FNDC3A: variants seen among roughly 807,000 people sequenced by gnomAD.
FNDC3A encodes fibronectin type III domain containing 3A, also known as fibronectin type-III domain-containing protein 3A.
Under a neutral mutation model 148.9 loss-of-function variants are expected in FNDC3A, and 32 were observed. That is an observed-to-expected ratio of 0.21 (90% CI 0.16 to 0.29). The LOEUF (loss-of-function observed/expected upper bound fraction) is 0.29. Ranked by LOEUF, FNDC3A falls within the 10% of genes least tolerant of loss-of-function variation. The pLI is 1.00. For missense variants in FNDC3A, 1,191 were observed against 1,452.8 expected (o/e 0.82, Z 2.93); for synonymous variants, 472 against 473.6 (o/e 1.00, Z 0.04).
chr13:49,122,457 C>G (rs1227101349), intron 4 of FNDC3A, among the ~76,000 whole-genome samples: 1 of 152,210 alleles, frequency 6.6e-6, no homozygotes, highest in Admixed American at 6.5e-5. Context: ...GATGCCCTCT[C>G]TCACCATTCC....
At chr13:49,065,167 TAG>T (rs1387811515) in intron 2 of FNDC3A, among the ~76,000 whole-genome samples, 3 of 152,314 alleles carry the variant, frequency 2.0e-5, no homozygotes, top group Admixed American at 6.5e-5. Context: ...TAAAGACGTA[TAG>T]AGTCAACTAG....
intron 2 of FNDC3A, among the ~76,000 whole-genome samples, chr13:49,031,479 T>A (rs966185218): frequency 6.6e-6 from 1 of 152,150 alleles, no homozygotes; most frequent in Admixed American, 6.5e-5. Flanking sequence ...AAATAAACTC[T>A]TTACATTTAT....
intron 2 of FNDC3A, among the ~76,000 whole-genome samples, chr13:49,066,964 A>G (rs150340652): frequency 1.4e-3 from 216 of 152,246 alleles, no homozygotes; most frequent in African/African-American, 5.0e-3. Flanking sequence ...AAAACAGTCT[A>G]TTTTTTAATT....
chr13:49,207,564 TA>T lies in FNDC3A; in HGVS notation c.*170del. ...TATTGTTAGGTAGAGGCTGGCACTTTATTAGAATGCAAGCCACAAAAATATC... is the reference window on the plus strand; with the variant it reads ...TATTGTTAGGTAGAGGCTGGCACTTTTTAGAATGCAAGCCACAAAAATATC... On this transcript the variant is annotated 3_prime_UTR_variant, in exon 26 of 26. Transcript: ENST00000492622. The T allele has an allele frequency of 2.3e-6, 1 of 438,100 alleles. No homozygotes were observed. 27.1% of individuals were successfully genotyped at this position (438,100 alleles called of 1,614,324 possible).
rs1426990639 is a variant in FNDC3A, at chr13:49,206,022, C to T, written c.3283-1059C>T. ...GTGTTGGTTCTTCTGACTTGTAGCC[C>T]ACCAACTAACTGGAGAAACTCAACT... is the stretch of plus-strand genomic sequence containing the variant. On this transcript the variant is annotated intron_variant, in intron 25 of 25. Transcript: ENST00000492622. 2.6e-5 allele frequency among the ~76,000 whole-genome samples: 4 copies of T among 152,118 alleles called. No homozygotes were observed. In the East Asian group the frequency reaches 7.7e-4, roughly 29 times the overall value.
intron 2 of FNDC3A, among the ~76,000 whole-genome samples, chr13:49,039,731 T>C (rs553818633): frequency 8.9e-4 from 135 of 152,336 alleles, no homozygotes; most frequent in Non-Finnish European, 1.6e-3. Flanking sequence ...TTGTTTTTTC[T>C]GAGACGGAGT....
intron 3 of FNDC3A, among the ~76,000 whole-genome samples, chr13:49,092,939 T>C (rs1308628044): frequency 3.3e-5 from 5 of 152,212 alleles, no homozygotes; most frequent in Non-Finnish European, 5.9e-5. Flanking sequence ...GTTGTATGCA[T>C]TGATTGCATT....
chr13:49,075,449 T>G, intron 3 of FNDC3A, 85 bp downstream of exon 3: 1 of 707,572 alleles, frequency 1.4e-6, no homozygotes, highest in Non-Finnish European at 2.4e-6. Context: ...TGCCTATGGT[T>G]TCTTCCTTCT....
At chr13:49,072,774 A>G (rs759204143) in intron 2 of FNDC3A, among the ~76,000 whole-genome samples, 6 of 152,136 alleles carry the variant, frequency 3.9e-5, no homozygotes, top group Non-Finnish European at 8.8e-5. Flanking sequence ...ATGAGCCACC[A>G]TGCCCAGCTA....
intron 2 of FNDC3A, among the ~76,000 whole-genome samples, chr13:49,060,157 T>C (rs1295664751): frequency 6.6e-6 from 1 of 152,170 alleles, no homozygotes; most frequent in Non-Finnish European, 1.5e-5. Context: ...ACAAGTACTA[T>C]GTGGAATATC....
intron 5 of FNDC3A, among the ~76,000 whole-genome samples, chr13:49,131,733 G>A (rs1346671252): frequency 2.0e-5 from 3 of 152,148 alleles, no homozygotes; most frequent in Non-Finnish European, 2.9e-5. Context: ...ACTACACAAA[G>A]CTGCTAAGCT....
chr13:49,024,988 T>C (rs1303893278), intron 2 of FNDC3A, among the ~76,000 whole-genome samples: 1 of 152,086 alleles, frequency 6.6e-6, no homozygotes, highest in Non-Finnish European at 1.5e-5. Flanking sequence ...TGTTATTTTC[T>C]TCAGTGTCTT....
At chr13:49,076,677 A>G (rs138571898) in intron 3 of FNDC3A, among the ~76,000 whole-genome samples, 42 of 152,058 alleles carry the variant, frequency 2.8e-4, no homozygotes, top group Admixed American at 7.9e-4. Flanking sequence ...AAGGCACTCA[A>G]TAAGTGGTGG....
Position 49,203,204 on chromosome 13 carries a change from G to A in FNDC3A, c.3202G>A (p.Glu1068Lys). The A allele has an allele frequency of 6.2e-7, 1 of 1,602,800 alleles. No individual in the cohort carries two copies. Among genetic ancestry groups the A allele is most frequent in the Non-Finnish European group, 8.5e-7 (1 of 1,170,450 alleles). ...VNDHICEITW[E>K]CLQPMKGDPV... ...TGATCACATTTGTGAAATTACATGG[G>A]AGTGTTTACAGCCAATGAAAGGTGA... The change falls in exon 25 of 26, where the codon GAG becomes AAG. Residue 1068 changes from glutamate to lysine, a missense_variant. Physicochemically the swap from Glu to Lys is moderately conservative, Grantham distance 56. Coordinates refer to ENST00000492622, the MANE Select transcript of FNDC3A (RefSeq NM_001079673.2).
At chr13:49,165,302 A>G (rs1243980079) in intron 8 of FNDC3A, among the ~76,000 whole-genome samples, 1 of 152,004 alleles carries the variant, frequency 6.6e-6, no homozygotes, top group African/African-American at 2.4e-5. Context: ...CACTTCTTTC[A>G]ATTTTTTGAG....
At chr13:49,170,362 G>C (rs1297379064) in intron 10 of FNDC3A, among the ~76,000 whole-genome samples, 1 of 152,256 alleles carries the variant, frequency 6.6e-6, no homozygotes, top group East Asian at 1.9e-4. Context: ...AAGTAGTTTA[G>C]TGACTTGAAT....
intron 2 of FNDC3A, among the ~76,000 whole-genome samples, chr13:49,026,213 C>A (rs770212074): frequency 6.6e-6 from 1 of 152,086 alleles, no homozygotes; most frequent in Non-Finnish European, 1.5e-5. Flanking sequence ...ATAAAAATTT[C>A]ACAAAATAGC....
intron 2 of FNDC3A, among the ~76,000 whole-genome samples, chr13:49,047,599 A>T (rs2137703381): frequency 6.6e-6 from 1 of 152,072 alleles, no homozygotes; most frequent in Admixed American, 6.5e-5. Flanking sequence ...TATCTTTGAG[A>T]ATTGTCTGTT....
chr13:49,145,988 T>C lies in FNDC3A; in HGVS notation c.977+53T>C, dbSNP rs1162384628. The C allele has an allele frequency of 3.6e-6, 5 of 1,374,938 alleles. No homozygotes were observed. In the African/African-American group the frequency reaches 5.9e-5, roughly 16 times the overall value. 85.2% of individuals were successfully genotyped at this position (1,374,938 alleles called of 1,614,324 possible). ...CATTGTGTAAATTAATGGTTTATTA[T>C]AAAGAGCTTATTACTAATTTTGCTC... On this transcript the variant is annotated intron_variant, in intron 8 of 25. Coordinates refer to ENST00000492622, the MANE Select transcript of FNDC3A (RefSeq NM_001079673.2).
Sources: allele counts gnomAD v4.1 joint callset (sites outside exome capture counted in the v4.1 genomes callset), GRCh38; gene constraint gnomAD v4.1.1; transcripts MANE v1.5; gene names NCBI Gene and HGNC (gene_info 2026-07-23, HGNC 2026-07-21).